RALYL: variants seen among roughly 807,000 people sequenced by gnomAD.
RALYL encodes RNA-binding Raly-like protein.
A neutral mutation model predicts 35.1 loss-of-function variants in RALYL; 29 were observed. That is an observed-to-expected ratio of 0.83 (90% CI 0.61 to 1.13). The LOEUF is 1.13. Among genes scored for constraint, RALYL ranks in the 50% most tolerant of loss-of-function variants. The pLI, the probability that RALYL is intolerant of heterozygous loss-of-function variation, is 0.00. For synonymous variants in RALYL, 120 were observed against 127.6 expected (o/e 0.94, Z 0.40); for missense variants, 359 against 360.4 (o/e 1.00, Z 0.03).
intron 2 of RALYL, among the ~76,000 whole-genome samples, chr8:84,685,192 T>C (rs1836498996): frequency 6.6e-6 from 1 of 152,062 alleles, no homozygotes; most frequent in South Asian, 2.1e-4. Context: ...ATTGAGTCCA[T>C]AACAGGGGAG....
intron 2 of RALYL, among the ~76,000 whole-genome samples, chr8:84,739,351 G>T (rs951083884): frequency 6.6e-6 from 1 of 151,010 alleles, no homozygotes; most frequent in Non-Finnish European, 1.5e-5. Context: ...TTATAGTTTA[G>T]TATCAAAAAA....
Position 84,734,715 on chromosome 8 carries a change from A to G in RALYL, c.257-39864A>G, listed in dbSNP as rs1846905391. Among the ~76,000 whole-genome samples, 3 of 152,214 alleles carry G rather than the reference A, an allele frequency of 2.0e-5. No individual in the cohort carries two copies. In the South Asian group the frequency reaches 6.2e-4, roughly 32 times the overall value. On this transcript the variant is annotated intron_variant, in intron 2 of 8. Coordinates refer to ENST00000521268, the MANE Select transcript of RALYL (RefSeq NM_173848.7). ...GTTCTAACTGAAAATGGCATTATCTATGAAATAGGAAAAAAAATCTATGAG... is the reference window on the plus strand; with the variant it reads ...GTTCTAACTGAAAATGGCATTATCTGTGAAATAGGAAAAAAAATCTATGAG...
intron 1 of RALYL, among the ~76,000 whole-genome samples, chr8:84,445,525 G>T (rs982499666): frequency 1.3e-5 from 2 of 151,472 alleles, no homozygotes; most frequent in African/African-American, 2.4e-5. Context: ...TTTCCTTCCT[G>T]CATATCATAG....
chr8:84,435,322 A>T (rs2132793592), intron 1 of RALYL, among the ~76,000 whole-genome samples: 1 of 152,276 alleles, frequency 6.6e-6, no homozygotes, highest in Middle Eastern at 3.4e-3. Context: ...TACTGTATAG[A>T]CATAACATAA....
In RALYL at chr8:84,425,750, G is replaced by A. The variant is rs555412871; in HGVS notation, c.-23-103549G>A. On this transcript the variant is annotated intron_variant, in intron 1 of 8. Transcript: ENST00000521268. Reference sequence around the variant, plus strand: ...ATCAATCCAACAATAGCATGCAATTGCAGCATCAATTTTTAGAAAGCCAGT... The same window carrying A: ...ATCAATCCAACAATAGCATGCAATTACAGCATCAATTTTTAGAAAGCCAGT... Among the ~76,000 whole-genome samples the A allele has an allele frequency of 4.6e-5, 7 of 151,230 alleles. No individual in the cohort carries two copies. In the South Asian group the frequency reaches 8.3e-4, roughly 18 times the overall value.
At chr8:84,212,420 T>TATG in intron 1 of RALYL, among the ~76,000 whole-genome samples, 1 of 152,280 alleles carries the variant, frequency 6.6e-6, no homozygotes, top group African/African-American at 2.4e-5. Context: ...TCTGGGGAGA[T>TATG]ATGATTTTCT....
chr8:84,360,292 A>G (rs1425050205), intron 1 of RALYL, among the ~76,000 whole-genome samples: 2 of 152,224 alleles, frequency 1.3e-5, no homozygotes, highest in African/African-American at 2.4e-5. Context: ...GTCAACCATC[A>G]AGAAATATAG....
At chr8:84,699,005 CATAGATAGATAGATAGATAGATAG>C (rs3068019) in intron 2 of RALYL, among the ~76,000 whole-genome samples, 1 of 144,164 alleles carries the variant, frequency 6.9e-6, no homozygotes, top group Admixed American at 7.0e-5. Flanking sequence ...TAGGTAGGTA[CATAGATAGATAGATAGATAGATAG>C]ATAGATAGAT....
chr8:84,531,550 T>C (rs568026563), intron 2 of RALYL, among the ~76,000 whole-genome samples: 2 of 152,190 alleles, frequency 1.3e-5, no homozygotes, highest in South Asian at 2.1e-4. Flanking sequence ...TACTTTGATA[T>C]GGGAATTTTC....
chr8:84,281,135 T>A (rs1836462076), intron 1 of RALYL, among the ~76,000 whole-genome samples: 1 of 152,138 alleles, frequency 6.6e-6, no homozygotes, highest in Non-Finnish European at 1.5e-5. Context: ...GACTCCTAGC[T>A]TGCTTTTTGA....
intron 1 of RALYL, among the ~76,000 whole-genome samples, chr8:84,227,469 A>G (rs1159902715): frequency 6.6e-6 from 1 of 152,204 alleles, no homozygotes. Context: ...GCTCAGTCTT[A>G]TTAATAGTTT....
At chr8:84,544,305 A>G (rs547483260) in intron 2 of RALYL, among the ~76,000 whole-genome samples, 26 of 151,922 alleles carry the variant, frequency 1.7e-4, no homozygotes, top group Non-Finnish European at 2.8e-4. Context: ...TCCCTCTGCT[A>G]TCCTCTCTCT....
intron 1 of RALYL, among the ~76,000 whole-genome samples, chr8:84,521,687 A>G (rs1175494882): frequency 6.6e-6 from 1 of 152,242 alleles, no homozygotes; most frequent in Non-Finnish European, 1.5e-5. Context: ...ATTGTTTAAC[A>G]TGGAAGTTTA....
intron 2 of RALYL, among the ~76,000 whole-genome samples, chr8:84,749,374 C>A (rs1001375316): frequency 3.3e-5 from 5 of 152,080 alleles, no homozygotes; most frequent in African/African-American, 1.2e-4. Flanking sequence ...AAATGCAATT[C>A]TGCACCTATT....
At chr8:84,379,874 GA>G (rs200788229) in intron 1 of RALYL, among the ~76,000 whole-genome samples, 14 of 148,708 alleles carry the variant, frequency 9.4e-5, no homozygotes, top group Non-Finnish European at 1.8e-4. Flanking sequence ...AAAAAAAAAA[GA>G]AAAAAACTGT....
intron 2 of RALYL, chr8:84,678,876 G>A (rs551352701): frequency 1.1e-5 from 2 of 184,918 alleles, no homozygotes; most frequent in African/African-American, 4.7e-5. Flanking sequence ...AGCTCTGAAT[G>A]AAGAGGATAC....
intron 1 of RALYL, among the ~76,000 whole-genome samples, chr8:84,315,267 A>T (rs1483652900): frequency 1.3e-5 from 2 of 152,198 alleles, no homozygotes; most frequent in Admixed American, 6.5e-5. Context: ...ATTCATCCAC[A>T]TTATAGAATC....
chr8:84,253,176 GTTTTTTTTTTT>G (rs764942491), intron 1 of RALYL, among the ~76,000 whole-genome samples: 2 of 52,822 alleles, frequency 3.8e-5, no homozygotes, highest in Non-Finnish European at 6.5e-5. Flanking sequence ...TAGTTCTGCA[GTTTTTTTTTTT>G]TTTTTTTTTT....
chr8:84,605,266 C>T lies in RALYL; in HGVS notation c.256+75689C>T, dbSNP rs1159005509. Among the ~76,000 whole-genome samples the T allele has an allele frequency of 2.6e-5, 4 of 152,138 alleles. No individual in the cohort carries two copies. In the East Asian group the frequency reaches 7.7e-4, roughly 29 times the overall value. ...TTACTTGGGTTTTCATCCTCATACA[C>T]AGCCTCAGGCCTGAGTACCTCTGCA... is the stretch of plus-strand genomic sequence containing the variant. On this transcript the variant is annotated intron_variant, in intron 2 of 8. Coordinates refer to ENST00000521268, the MANE Select transcript of RALYL (RefSeq NM_173848.7).
Sources: gnomAD v4.1 joint callset for allele counts (sites outside exome capture counted in the v4.1 genomes callset) on GRCh38, gnomAD v4.1.1 for gene constraint, MANE v1.5 for transcripts, NCBI Gene and HGNC (gene_info 2026-07-23, HGNC 2026-07-21) for gene names.